Variants in LRP2 observed in about 807,000 individuals in gnomAD.
The protein encoded by LRP2 is LDL receptor related protein 2.
A neutral mutation model predicts 531.0 loss-of-function variants in LRP2; 172 were observed. The observed-to-expected ratio is 0.32, with a 90% CI of 0.29 to 0.37. The LOEUF (loss-of-function observed/expected upper bound fraction) is 0.37, where lower values mean the gene tolerates loss of function less well. Ranked by LOEUF, LRP2 falls within the 10% of genes least tolerant of loss-of-function variation. The pLI is 1.00. For missense variants in LRP2, 5,167 were observed against 5,868.3 expected, an observed-to-expected ratio of 0.88 and a Z score of 3.90; for synonymous variants, 1,992 against 2,027.6, an observed-to-expected ratio of 0.98 and a Z score of 0.47.
At chr2:169,338,175 GGAAA>G (rs1020133127) in intron 1 of LRP2, among the ~76,000 whole-genome samples, 57 of 147,752 alleles carry the variant, frequency 3.9e-4, no homozygotes, top group East Asian at 1.2e-3. Context: ...GGGGAGGAGA[GGAAA>G]GAAAGAAAGA....
intron 1 of LRP2, among the ~76,000 whole-genome samples, chr2:169,357,246 A>G (rs1439548709): frequency 6.7e-6 from 1 of 148,336 alleles, no homozygotes; most frequent in East Asian, 2.0e-4. Context: ...CTCTTTCATA[A>G]GCACCTTCTA....
At chr2:169,352,447 C>T (rs1265068472) in intron 1 of LRP2, among the ~76,000 whole-genome samples, 1 of 152,164 alleles carries the variant, frequency 6.6e-6, no homozygotes, top group Non-Finnish European at 1.5e-5. Flanking sequence ...TTAACTGCCA[C>T]TGAAGAAATT....
At chr2:169,188,455 A>G (rs1398460417) in intron 48 of LRP2, among the ~76,000 whole-genome samples, 190 bp from the exon 49 acceptor site, 2 of 152,276 alleles carry the variant, frequency 1.3e-5, no homozygotes, top group East Asian at 3.9e-4. Context: ...ATTCTAGAAG[A>G]ATCCAATATT....
At chr2:169,349,003 A>C (rs1685772619) in intron 1 of LRP2, among the ~76,000 whole-genome samples, 1 of 152,156 alleles carries the variant, frequency 6.6e-6, no homozygotes, top group African/African-American at 2.4e-5. Flanking sequence ...CTTAGCACCC[A>C]TGGTGACATC....
At chr2:169,167,531 C>T (rs1011032021) in intron 61 of LRP2, among the ~76,000 whole-genome samples, 21 of 152,114 alleles carry the variant, frequency 1.4e-4, no homozygotes, top group African/African-American at 5.1e-4. Flanking sequence ...TTGCTGGGCC[C>T]TTAATTTTCC....
At chr2:169,158,499 T>C (rs1000449324) in intron 63 of LRP2, among the ~76,000 whole-genome samples, 1 of 152,078 alleles carries the variant, frequency 6.6e-6, no homozygotes, top group Non-Finnish European at 1.5e-5. Context: ...ATGTTATTAA[T>C]TGTAAGATAT....
chr2:169,156,220 T>C lies in LRP2; in HGVS notation c.12151+54A>G, dbSNP rs1686326031. 18 of 1,609,266 alleles carry C rather than the reference T, an allele frequency of 1.1e-5. No individual in the cohort carries two copies. In the South Asian group the frequency reaches 1.9e-4, roughly 17 times the overall value. On this transcript the variant is annotated intron_variant, in intron 65 of 78. Transcript: ENST00000649046. The stretch of plus-strand genomic sequence containing the variant: ...AGTTTCTTTCATCGTATAGTGTACT[T>C]AGCAGTATTTATTTCCCCAAAAGTC...
At chr2:169,332,745 A>G (rs1477336372) in intron 1 of LRP2, among the ~76,000 whole-genome samples, 2 of 152,250 alleles carry the variant, frequency 1.3e-5, no homozygotes, top group Non-Finnish European at 2.9e-5. Context: ...ACATACGTAC[A>G]TGCACATACA....
intron 75 of LRP2, 38 bp from the exon 76 acceptor site, chr2:169,137,531 GAGAAAC>G: frequency 8.0e-7 from 1 of 1,249,186 alleles, no homozygotes. Flanking sequence ...GAGAGAGAGA[GAGAAAC>G]AGAGAGAGAG....
At chr2:169,245,812 A>C (rs1420223089) in intron 21 of LRP2, among the ~76,000 whole-genome samples, 1 of 152,156 alleles carries the variant, frequency 6.6e-6, no homozygotes, top group East Asian at 1.9e-4. Context: ...CTGTGATACT[A>C]TTCTCTCGGT....
chr2:169,279,304 G>C, intron 12 of LRP2, 68 bp downstream of exon 12: 4 of 1,118,202 alleles, frequency 3.6e-6, no homozygotes, highest in Non-Finnish European at 5.5e-6. Flanking sequence ...TCCAGTAGAT[G>C]TTCAGTGTAT....
At chr2:169,312,795 T>C (rs1684651328) in intron 3 of LRP2, among the ~76,000 whole-genome samples, 1 of 152,314 alleles carries the variant, frequency 6.6e-6, no homozygotes, top group East Asian at 1.9e-4. Flanking sequence ...TCCTGCAGAG[T>C]GTTTTCCAAC....
At chr2:169,162,195 C>A (rs997231518) in intron 63 of LRP2, among the ~76,000 whole-genome samples, 1 of 152,154 alleles carries the variant, frequency 6.6e-6, no homozygotes, top group African/African-American at 2.4e-5. Flanking sequence ...TAAGACCTGG[C>A]CAATTCGTTT....
intron 50 of LRP2, among the ~76,000 whole-genome samples, chr2:169,183,152 C>T (rs893955668): frequency 6.6e-6 from 1 of 152,134 alleles, no homozygotes; most frequent in Non-Finnish European, 1.5e-5. Flanking sequence ...CAATTCCAAC[C>T]GGAAGGAGAA....
Position 169,175,396 on chromosome 2 carries a change from A to C in LRP2, c.10572-7T>G, listed in dbSNP as rs1490455797. 2 of 1,613,652 alleles carry C rather than the reference A, an allele frequency of 1.2e-6. No individual in the cohort carries two copies. The highest frequency in any genetic ancestry group is 2.7e-5 in the African/African-American group (2 of 74,936). ...CCACCAGATAGGAATGCACCTGCAC[A>C]GAGAACATACAGCACTTCTTTAGCA... On this transcript the variant is annotated splice_region_variant and splice_polypyrimidine_tract_variant and intron_variant, in intron 54 of 78. Coordinates refer to ENST00000649046, the MANE Select transcript of LRP2 (RefSeq NM_004525.3).
rs921800677 is a variant in LRP2 at position 169,239,728 on chromosome 2, C to T, written c.4093G>A (p.Val1365Ile). Residue 1365 changes from valine to isoleucine, a missense_variant, in exon 26 of 79, where the codon GTT becomes ATT. By Grantham distance (29) the Val-to-Ile change is conservative. Coordinates refer to ENST00000649046, the MANE Select transcript of LRP2 (RefSeq NM_004525.3). ...DFNGGCTHECVQEPFGAKCLC... is the reference protein window; with the variant it reads ...DFNGGCTHECIQEPFGAKCLC... ...CATTTAGCCCCAAAGGGCTCTTGAA[C>T]ACACTCGTGAGTACAACCACCATTG... The T allele has an allele frequency of 1.2e-6, 2 of 1,614,110 alleles. No homozygotes were observed. The highest frequency in any genetic ancestry group is 2.7e-5 in the African/African-American group (2 of 75,062).
chr2:169,134,758 T>C (rs1290727834), intron 76 of LRP2, among the ~76,000 whole-genome samples: 1 of 152,174 alleles, frequency 6.6e-6, no homozygotes, highest in Admixed American at 6.5e-5. Context: ...GCAAGAGGTT[T>C]CCTCACTACA....
At chr2:169,143,577 C>A (rs532358703) in intron 70 of LRP2, among the ~76,000 whole-genome samples, 1 of 152,232 alleles carries the variant, frequency 6.6e-6, no homozygotes, top group East Asian at 1.9e-4. Context: ...ACCCAGGAGG[C>A]GGAGCTTGCA....
At chr2:169,283,477 G>A (rs1488962359) in intron 9 of LRP2, among the ~76,000 whole-genome samples, 1 of 152,108 alleles carries the variant, frequency 6.6e-6, no homozygotes, top group Non-Finnish European at 1.5e-5. Flanking sequence ...TATGACTAGT[G>A]GTTACAATAT....
Sources: gnomAD v4.1 joint callset for allele counts (sites outside exome capture counted in the v4.1 genomes callset) on GRCh38, gnomAD v4.1.1 for gene constraint, MANE v1.5 for transcripts, NCBI Gene and HGNC (gene_info 2026-07-23, HGNC 2026-07-21) for gene names.